The following SH3PXD2A variants were observed in gnomAD, a reference collection of about 807,000 sequenced individuals.
The protein encoded by SH3PXD2A is SH3 and PX domains 2A.
A neutral mutation model predicts 115.2 loss-of-function variants in SH3PXD2A; 32 were observed. That is an observed-to-expected ratio of 0.28 (90% CI 0.21 to 0.37). The LOEUF (loss-of-function observed/expected upper bound fraction) is 0.37. Ranked by LOEUF, SH3PXD2A falls within the 10% of genes least tolerant of loss-of-function variation. The pLI is 1.00. For missense variants in SH3PXD2A, 1,328 were observed against 1,498.7 expected, an observed-to-expected ratio of 0.89 and a Z score of 1.88; for synonymous variants, 610 against 629.1, an observed-to-expected ratio of 0.97 and a Z score of 0.45.
At chr10:103,652,406 G>A (rs1160626359) in intron 8 of SH3PXD2A, among the ~76,000 whole-genome samples, 1 of 152,178 alleles carries the variant, frequency 6.6e-6, no homozygotes, top group Non-Finnish European at 1.5e-5. Context: ...AGGATTCTAG[G>A]TCAGCACTGG....
intron 1 of SH3PXD2A, among the ~76,000 whole-genome samples, chr10:103,805,624 C>T (rs542818406): frequency 8.8e-4 from 134 of 152,368 alleles, no homozygotes; most frequent in African/African-American, 3.1e-3. Context: ...GGCATGGTGG[C>T]TCATGCCTGT....
chr10:103,664,374 A>G (rs2037355681), intron 7 of SH3PXD2A, among the ~76,000 whole-genome samples: 1 of 152,242 alleles, frequency 6.6e-6, no homozygotes. Flanking sequence ...ATCCAACAGC[A>G]TCGAGCTGCC....
rs147729490 is a variant in SH3PXD2A at position 103,682,861 on chromosome 10, C to G, written c.427+10167G>C. Among the ~76,000 whole-genome samples the G allele has an allele frequency of 3.2e-4, 49 of 152,240 alleles. No individual in the cohort carries two copies. The East Asian group carries it at 8.9e-3, about 28-fold the overall frequency. On this transcript the variant is annotated intron_variant, in intron 6 of 14. Transcript: ENST00000369774. Reference sequence around the variant, plus strand: ...TTTGAAATGGGCCATTGGAGGGTGGCAGGAAGATCTTTGCCACATTCTCTA... The same window carrying G: ...TTTGAAATGGGCCATTGGAGGGTGGGAGGAAGATCTTTGCCACATTCTCTA...
At chr10:103,678,273 AGC>A (rs1396237620) in intron 6 of SH3PXD2A, 1 of 582,364 alleles carries the variant, frequency 1.7e-6, no homozygotes, top group Non-Finnish European at 2.9e-6. Flanking sequence ...CAATCCCCTG[AGC>A]GCTGAGATGC....
Position 103,612,857 on chromosome 10 carries a change from C to G in SH3PXD2A, c.1254G>C (p.Gln418His), listed in dbSNP as rs753107754. Reference protein sequence around the residue: ...AVARIAPQRAQISSPNLRTRP... With the variant: ...AVARIAPQRAHISSPNLRTRP... ...AGAGGTCAGCGAGGCTCTTACTGAT[C>G]TGGGCCCGCTGAGGGGCAATCCTGG... Residue 418 changes from glutamine to histidine, a missense_variant, in exon 12 of 15, where the codon CAG becomes CAC. By Grantham distance (24) the Gln-to-His change is conservative (BLOSUM62 0). Transcript: ENST00000369774. The G allele has an allele frequency of 1.3e-6, 2 of 1,553,966 alleles. No individual in the cohort carries two copies. Among genetic ancestry groups the G allele is most frequent in the Non-Finnish European group, 8.7e-7 (1 of 1,153,334 alleles).
At position 103,622,486 on chromosome 10, in the gene SH3PXD2A, G is replaced by A; in HGVS notation, c.786C>T (p.Asn262=). The change falls in exon 10 of 15, where the codon AAC becomes AAT. Residue 262 remains asparagine (N), a synonymous_variant. Transcript: ENST00000369774. Reference sequence around the variant, plus strand: ...CGCAGTCACCTCGGCTGTGCTGCCTGTTGACCATCCCGCCCAGGGTCCACC... The same window carrying A: ...CGCAGTCACCTCGGCTGTGCTGCCTATTGACCATCCCGCCCAGGGTCCACC... ...DRRWTLGGMV[N]RQHSREEKYV... is the part of the protein sequence containing the mutation. 1.0e-5 allele frequency: 16 copies of A among 1,549,942 alleles called. No homozygotes were observed. In the South Asian group the frequency reaches 1.7e-4, roughly 16 times the overall value.
At chr10:103,759,640 G>A (rs977871781) in intron 3 of SH3PXD2A, among the ~76,000 whole-genome samples, 5 of 152,174 alleles carry the variant, frequency 3.3e-5, no homozygotes, top group Non-Finnish European at 7.3e-5. Flanking sequence ...TTTTACATCA[G>A]CAGCTACACA....
chr10:103,617,075 C>T, intron 11 of SH3PXD2A, 122 bp downstream of exon 11: 1 of 723,896 alleles, frequency 1.4e-6, no homozygotes, highest in Non-Finnish European at 2.5e-6. Context: ...CAGCCCAGCC[C>T]TGTGCCGTGG....
intron 2 of SH3PXD2A, among the ~76,000 whole-genome samples, chr10:103,771,993 C>T (rs2038828254): frequency 6.6e-6 from 1 of 152,178 alleles, no homozygotes; most frequent in South Asian, 2.1e-4. Flanking sequence ...CCCCCATGGA[C>T]CACTGGCCGC....
At chr10:103,663,660 G>A (rs1027196510) in intron 7 of SH3PXD2A, among the ~76,000 whole-genome samples, 1 of 152,260 alleles carries the variant, frequency 6.6e-6, no homozygotes, top group Non-Finnish European at 1.5e-5. Context: ...GTGCACCCAG[G>A]TGCAAGAAGC....
chr10:103,681,772 GCA>G (rs879180920), intron 6 of SH3PXD2A, among the ~76,000 whole-genome samples: 2 of 151,628 alleles, frequency 1.3e-5, no homozygotes, highest in Non-Finnish European at 2.9e-5. Flanking sequence ...GCGCGCGCGC[GCA>G]CACACACAAA....
Position 103,664,671 on chromosome 10 carries a change from T to TC in SH3PXD2A, c.473-3558_473-3557insG, listed in dbSNP as rs1371785481. 0.012 allele frequency among the ~76,000 whole-genome samples: 31 copies of TC among 2,560 alleles called. No homozygotes were observed. The East Asian group carries it at 0.42, about 34-fold the overall frequency. 1.7% of individuals were successfully genotyped at this position (2,560 alleles called of 152,430 possible). A position where few individuals can be genotyped will look rare whatever the true frequency, so the allele number is the denominator to read the frequency against. The stretch of plus-strand genomic sequence containing the variant: ...TAGAGTATGGGTTTCTTTCTCTCTC[T>TC]TTTTTTTTTTTTTGAGACGGAGTCT... On this transcript the variant is annotated intron_variant, in intron 7 of 14. Coordinates refer to ENST00000369774, the MANE Select transcript of SH3PXD2A (RefSeq NM_001394015.1).
intron 5 of SH3PXD2A, among the ~76,000 whole-genome samples, chr10:103,718,205 G>A (rs2038130572): frequency 6.6e-6 from 1 of 151,600 alleles, no homozygotes; most frequent in African/African-American, 2.4e-5. Context: ...TTGTAGAGAT[G>A]GGGGTCTCAC....
At chr10:103,848,105 G>A (rs1214124270) in intron 1 of SH3PXD2A, among the ~76,000 whole-genome samples, 1 of 152,124 alleles carries the variant, frequency 6.6e-6, no homozygotes, top group Non-Finnish European at 1.5e-5. Flanking sequence ...TTGCCACTGG[G>A]GGAGTGTGGA....
In SH3PXD2A at chr10:103,622,475, C is replaced by T. The variant is rs1317684227; in HGVS notation, c.797G>A (p.Ser266Asn). The part of the protein sequence containing the change: ...TLGGMVNRQH[S>N]REEKYVTVQP... The stretch of plus-strand genomic sequence containing the variant: ...AAGCCAGCTCCCGCAGTCACCTCGG[C>T]TGTGCTGCCTGTTGACCATCCCGCC... Residue 266 changes from serine to asparagine, a missense_variant, in exon 10 of 15, where the codon AGC (serine) becomes AAC (asparagine). Ser to Asn is a conservative substitution (Grantham distance 46). This residue lies in a region of SH3PXD2A where 509 missense variants were observed against 628.3 expected (regional missense o/e 0.81). Coordinates refer to ENST00000369774, the MANE Select transcript of SH3PXD2A (RefSeq NM_001394015.1). 1.9e-6 allele frequency: 3 copies of T among 1,548,648 alleles called. No individual in the cohort carries two copies. The highest frequency in any genetic ancestry group is 2.6e-6 in the Non-Finnish European group (3 of 1,145,678).
intron 2 of SH3PXD2A, among the ~76,000 whole-genome samples, chr10:103,790,999 A>G (rs769350659): frequency 5.3e-5 from 8 of 152,248 alleles, no homozygotes; most frequent in African/African-American, 1.2e-4. Flanking sequence ...CCTGAAAGGG[A>G]CATTCTCAGC....
intron 2 of SH3PXD2A, among the ~76,000 whole-genome samples, chr10:103,791,501 T>C (rs1229915593): frequency 6.6e-6 from 1 of 152,186 alleles, no homozygotes; most frequent in Non-Finnish European, 1.5e-5. Context: ...CCCAGCTCTC[T>C]TGATGTCCAC....
chr10:103,696,498 T>C (rs1364433060), intron 5 of SH3PXD2A, among the ~76,000 whole-genome samples: 1 of 152,020 alleles, frequency 6.6e-6, no homozygotes, highest in Admixed American at 6.6e-5. Context: ...GAACCCCCCC[T>C]CTTCCCATCA....
intron 1 of SH3PXD2A, among the ~76,000 whole-genome samples, chr10:103,848,310 G>A (rs1300277464): frequency 6.6e-6 from 1 of 152,078 alleles, no homozygotes; most frequent in Non-Finnish European, 1.5e-5. Flanking sequence ...CTGTAAACAG[G>A]AGGGGTGGGA....
Sources: allele counts gnomAD v4.1 joint callset (sites outside exome capture counted in the v4.1 genomes callset), GRCh38; gene constraint gnomAD v4.1.1; regional missense constraint gnomAD v4.1.1; transcripts MANE v1.5; gene names NCBI Gene and HGNC (gene_info 2026-07-23, HGNC 2026-07-21).